Variants in HCN1 observed in about 807,000 individuals in gnomAD.
The protein encoded by HCN1 is hyperpolarization activated cyclic nucleotide gated potassium channel 1, also known as potassium/sodium hyperpolarization-activated cyclic nucleotide-gated channel 1.
A neutral mutation model predicts 78.9 loss-of-function variants in HCN1; 13 were observed. The ratio of observed to expected loss-of-function variants is 0.16; its 90% CI spans 0.11 to 0.26. HCN1 has a LOEUF of 0.26. Ranked by LOEUF, HCN1 falls within the 10% of genes least tolerant of loss-of-function variation. The pLI, the probability that HCN1 is intolerant of heterozygous loss-of-function variation, is 1.00. For missense variants in HCN1, 810 were observed against 1,154.3 expected (o/e 0.70, Z 4.32); for synonymous variants, 552 against 455.5 (o/e 1.21, Z -2.70).
chr5:45,681,912 T>C (rs950025953), intron 1 of HCN1, among the ~76,000 whole-genome samples: 2 of 152,086 alleles, frequency 1.3e-5, no homozygotes, highest in African/African-American at 2.4e-5. Flanking sequence ...AGATAGAATG[T>C]TTATGTCTCC....
chr5:45,628,420 A>G (rs952248531), intron 2 of HCN1, among the ~76,000 whole-genome samples: 1 of 152,040 alleles, frequency 6.6e-6, no homozygotes, highest in Non-Finnish European at 1.5e-5. Flanking sequence ...CTACTTAAAA[A>G]AATCACAAAG....
intron 1 of HCN1, among the ~76,000 whole-genome samples, chr5:45,685,316 C>T (rs1392505331): frequency 6.6e-6 from 1 of 152,116 alleles, no homozygotes; most frequent in East Asian, 1.9e-4. Context: ...CCAATGAATG[C>T]CATTATAATT....
intron 4 of HCN1, among the ~76,000 whole-genome samples, chr5:45,367,997 T>C (rs1747269747): frequency 6.6e-6 from 1 of 152,008 alleles, no homozygotes; most frequent in Non-Finnish European, 1.5e-5. Flanking sequence ...GACCAATAGG[T>C]TACTGGATCT....
chr5:45,420,704 T>C (rs1294170784), intron 3 of HCN1, among the ~76,000 whole-genome samples: 1 of 152,082 alleles, frequency 6.6e-6, no homozygotes, highest in Admixed American at 6.6e-5. Context: ...ATAATCACTG[T>C]TATACACACA....
At chr5:45,615,810 C>T (rs753294731) in intron 2 of HCN1, among the ~76,000 whole-genome samples, 8 of 151,864 alleles carry the variant, frequency 5.3e-5, no homozygotes, top group Non-Finnish European at 1.0e-4. Flanking sequence ...ATGGCCTGAT[C>T]TCATTTCCGT....
chr5:45,315,135 T>C (rs1307581165), intron 5 of HCN1, among the ~76,000 whole-genome samples: 1 of 152,122 alleles, frequency 6.6e-6, no homozygotes, highest in East Asian at 1.9e-4. Context: ...CACATCACAC[T>C]TATTCCAAAA....
At chr5:45,600,295 C>T (rs1233054959) in intron 2 of HCN1, among the ~76,000 whole-genome samples, 1 of 151,492 alleles carries the variant, frequency 6.6e-6, no homozygotes, top group Non-Finnish European at 1.5e-5. Flanking sequence ...GATTAATTGA[C>T]CCCAAAATAT....
chr5:45,498,997 CAG>C (rs1261652627), intron 2 of HCN1, among the ~76,000 whole-genome samples: 5 of 152,152 alleles, frequency 3.3e-5, no homozygotes, highest in African/African-American at 1.2e-4. Flanking sequence ...AGTTGTCAGA[CAG>C]GGACATTTAA....
intron 4 of HCN1, among the ~76,000 whole-genome samples, chr5:45,394,535 T>A (rs980569824): frequency 1.3e-5 from 2 of 152,200 alleles, no homozygotes; most frequent in African/African-American, 4.8e-5. Context: ...GTAAAATTTT[T>A]AAAAAGTAAC....
At chr5:45,458,814 T>C (rs1385305958) in intron 3 of HCN1, among the ~76,000 whole-genome samples, 2 of 152,136 alleles carry the variant, frequency 1.3e-5, no homozygotes, top group Non-Finnish European at 2.9e-5. Flanking sequence ...CCTCATTCAG[T>C]TGCTGTGAGG....
chr5:45,415,367 AGT>A (rs1165804031), intron 3 of HCN1, among the ~76,000 whole-genome samples: 5 of 152,006 alleles, frequency 3.3e-5, no homozygotes, highest in Admixed American at 6.6e-5. Flanking sequence ...TAGCTTCAAG[AGT>A]AAGTTGAACC....
chr5:45,642,349 C>T (rs1285381762), intron 2 of HCN1: 1 of 151,958 alleles, frequency 6.6e-6, no homozygotes, highest in Non-Finnish European at 1.5e-5. Context: ...ATGATAATAA[C>T]ATAAGCACAA....
chr5:45,379,149 GTTCGGTC>G (rs1276909515), intron 4 of HCN1, among the ~76,000 whole-genome samples: 1 of 152,080 alleles, frequency 6.6e-6, no homozygotes, highest in African/African-American at 2.4e-5. Flanking sequence ...TAATGGGATG[GTTCGGTC>G]AAATGGTATT....
intron 2 of HCN1, among the ~76,000 whole-genome samples, chr5:45,599,463 C>T (rs1042307938): frequency 1.3e-5 from 2 of 151,942 alleles, no homozygotes; most frequent in East Asian, 1.9e-4. Context: ...ATGAAAATGA[C>T]GAGTTGATGG....
chr5:45,520,727 T>C (rs1221084615), intron 2 of HCN1, among the ~76,000 whole-genome samples: 3 of 152,024 alleles, frequency 2.0e-5, no homozygotes, highest in African/African-American at 4.8e-5. Flanking sequence ...TAAGTATATA[T>C]TGAGGACTTA....
intron 2 of HCN1, among the ~76,000 whole-genome samples, chr5:45,473,612 C>T (rs1476888467): frequency 2.0e-5 from 3 of 150,754 alleles, no homozygotes; most frequent in Non-Finnish European, 4.4e-5. Context: ...AGTGACATTG[C>T]TTCATTAATT....
chr5:45,496,682 G>T (rs972643460), intron 2 of HCN1, among the ~76,000 whole-genome samples: 4 of 151,990 alleles, frequency 2.6e-5, no homozygotes, highest in Admixed American at 2.6e-4. Context: ...TTTTTTGAAG[G>T]GTTTTTTGTG....
At chr5:45,615,067 A>G (rs1313559002) in intron 2 of HCN1, among the ~76,000 whole-genome samples, 1 of 151,994 alleles carries the variant, frequency 6.6e-6, no homozygotes, top group Non-Finnish European at 1.5e-5. Context: ...TTTCTGAGCT[A>G]AAAACAAAAC....
intron 2 of HCN1, chr5:45,558,867 C>T (rs940026698): frequency 2.7e-5 from 4 of 150,574 alleles, no homozygotes; most frequent in Non-Finnish European, 2.9e-5. Flanking sequence ...GTCATCCCAT[C>T]TTGGCCTCCC....
Sources: allele counts gnomAD v4.1 joint callset (sites outside exome capture counted in the v4.1 genomes callset), GRCh38; gene constraint gnomAD v4.1.1; transcripts MANE v1.5; gene names NCBI Gene and HGNC (gene_info 2026-07-23, HGNC 2026-07-21).